The following FILIP1 variants were observed in gnomAD, a reference collection of about 807,000 sequenced individuals.
FILIP1 encodes the protein filamin-A-interacting protein 1.
FILIP1 carries 61 observed loss-of-function variants against 102.1 expected under a neutral mutation model. The observed-to-expected ratio is 0.60, with a 90% CI of 0.49 to 0.74. The LOEUF is 0.74. Ranked by LOEUF, FILIP1 falls within the 30% of genes least tolerant of loss-of-function variation. The pLI is 0.00. For missense variants in FILIP1, 1,314 were observed against 1,441.2 expected, an observed-to-expected ratio of 0.91 and a Z score of 1.43; for synonymous variants, 491 against 526.9, an observed-to-expected ratio of 0.93 and a Z score of 0.93.
chr6:75,432,262 T>TA (rs1321628596), intron 1 of FILIP1, among the ~76,000 whole-genome samples: 1 of 152,246 alleles, frequency 6.6e-6, no homozygotes, highest in Non-Finnish European at 1.5e-5. Flanking sequence ...AGACTTGATG[T>TA]AAATGTTACC....
In FILIP1 at chr6:75,361,414, A is replaced by G. The variant is rs577627659; in HGVS notation, c.450+1330T>C. Among the ~76,000 whole-genome samples the G allele has an allele frequency of 1.8e-4, 28 of 152,240 alleles. No individual in the cohort carries two copies. In the South Asian group the frequency reaches 5.8e-3, roughly 32 times the overall value. On this transcript the variant is annotated intron_variant, in intron 3 of 5. Transcript: ENST00000237172. The stretch of plus-strand genomic sequence containing the variant: ...CTAGCCTTGGAAGAAAATAATTCAG[A>G]AGCCCAAATGAGACCATTTATCCAA...
chr6:75,362,884 CTG>C lies in FILIP1; in HGVS notation c.308_309del (p.Thr103ArgfsTer6), dbSNP rs1775216477. 6.2e-7 allele frequency: 1 copy of C among 1,613,882 alleles called. No homozygotes were observed. The highest frequency in any genetic ancestry group is 1.3e-5 in the African/African-American group (1 of 74,892). On this transcript the variant is annotated frameshift_variant, in exon 3 of 6. Coordinates refer to ENST00000237172, the MANE Select transcript of FILIP1 (RefSeq NM_015687.5). LOFTEE classifies it high-confidence loss of function. ...TCCAGAACCTCAGGCTTGGTTTTCTCTGTCTTCAGCATGTGGATCACATCTTC... is the reference window on the plus strand; with the variant it reads ...TCCAGAACCTCAGGCTTGGTTTTCTCTCTTCAGCATGTGGATCACATCTTC... ...AREDVIHMLK[T>X]EKTKPEVLEA...
intron 1 of FILIP1, among the ~76,000 whole-genome samples, chr6:75,429,446 T>C (rs906352892): frequency 2.0e-5 from 3 of 152,164 alleles, no homozygotes; most frequent in South Asian, 2.1e-4. Context: ...AGAAGGAATG[T>C]TGTGCATAGC....
At chr6:75,355,769 C>T (rs568427473) in intron 3 of FILIP1, among the ~76,000 whole-genome samples, 101 of 152,324 alleles carry the variant, frequency 6.6e-4, no homozygotes, top group African/African-American at 2.2e-3. Context: ...GTGCTGAGCA[C>T]AGGCCCTGGT....
intron 1 of FILIP1, among the ~76,000 whole-genome samples, chr6:75,482,819 T>A (rs1050077857): frequency 2.6e-4 from 40 of 152,238 alleles, no homozygotes; most frequent in African/African-American, 9.2e-4. Flanking sequence ...CAATGGAAAC[T>A]GGTCATTAAT....
intron 2 of FILIP1, among the ~76,000 whole-genome samples, chr6:75,404,303 C>T (rs528447312): frequency 6.6e-6 from 1 of 152,110 alleles, no homozygotes; most frequent in Non-Finnish European, 1.5e-5. Context: ...AGCTCAAATT[C>T]CAGTTTTTCC....
At chr6:75,468,031 G>A (rs1240165147) in intron 1 of FILIP1, among the ~76,000 whole-genome samples, 1 of 152,180 alleles carries the variant, frequency 6.6e-6, no homozygotes, top group African/African-American at 2.4e-5. Context: ...GAGAAACAAA[G>A]CAGCATCCTG....
At chr6:75,338,921 T>A (rs1774332165) in intron 4 of FILIP1, among the ~76,000 whole-genome samples, 2 of 152,232 alleles carry the variant, frequency 1.3e-5, no homozygotes, top group South Asian at 4.1e-4. Context: ...TGGATTAATT[T>A]ATTTTCTCTG....
At chr6:75,319,098 TTCC>T (rs1308551885) in intron 4 of FILIP1, 2 of 726,162 alleles carry the variant, frequency 2.8e-6, no homozygotes, top group African/African-American at 3.5e-5. Flanking sequence ...CCTCTTCATC[TTCC>T]TCCTCTTCCT....
chr6:75,394,235 C>A (rs1776380955), intron 2 of FILIP1, among the ~76,000 whole-genome samples: 1 of 152,076 alleles, frequency 6.6e-6, no homozygotes, highest in Admixed American at 6.6e-5. Flanking sequence ...TAGACCCTGA[C>A]TCTTATGAAC....
chr6:75,366,864 C>A (rs1562507762), intron 2 of FILIP1, among the ~76,000 whole-genome samples: 2 of 152,096 alleles, frequency 1.3e-5, no homozygotes, highest in East Asian at 1.9e-4. Context: ...TCAGAGCAGT[C>A]TCTCCAAAAG....
downstream of FILIP1, among the ~76,000 whole-genome samples, chr6:75,304,524 A>C (rs991761702): frequency 6.6e-6 from 1 of 152,176 alleles, no homozygotes; most frequent in African/African-American, 2.4e-5. Context: ...CCAGATAACT[A>C]TATTTAAATT....
At chr6:75,460,086 A>G (rs1031968538) in intron 1 of FILIP1, among the ~76,000 whole-genome samples, 1 of 152,136 alleles carries the variant, frequency 6.6e-6, no homozygotes, top group African/African-American at 2.4e-5. Context: ...TTAGCTCTTC[A>G]CCTAAAAGAC....
chr6:75,448,555 G>A (rs1330668405), intron 1 of FILIP1, among the ~76,000 whole-genome samples: 1 of 148,102 alleles, frequency 6.8e-6, no homozygotes, highest in Non-Finnish European at 1.5e-5. Flanking sequence ...AATGAGCAGA[G>A]TAAATACACA....
intron 4 of FILIP1, among the ~76,000 whole-genome samples, chr6:75,345,887 A>G: frequency 6.6e-6 from 1 of 152,180 alleles, no homozygotes. Context: ...CAGCAATGCC[A>G]CTTCACAATG....
At chr6:75,309,776 T>C (rs935788570) in intron 5 of FILIP1, among the ~76,000 whole-genome samples, 1 of 152,146 alleles carries the variant, frequency 6.6e-6, no homozygotes, top group Admixed American at 6.6e-5. Flanking sequence ...AGAGTCACCC[T>C]CTCTACTCAA....
chr6:75,375,836 A>T (rs1238642599), intron 2 of FILIP1, among the ~76,000 whole-genome samples: 1 of 152,232 alleles, frequency 6.6e-6, no homozygotes, highest in Non-Finnish European at 1.5e-5. Context: ...TTCTACACTT[A>T]CACATTTGAC....
chr6:75,401,018 A>T (rs1317752070), intron 2 of FILIP1, among the ~76,000 whole-genome samples: 1 of 104,200 alleles, frequency 9.6e-6, no homozygotes, highest in Admixed American at 9.8e-5. Context: ...GTCCTTTTTA[A>T]AAAAAAAAAT....
At chr6:75,360,518 T>G (rs1775142132) in intron 3 of FILIP1, 2 of 152,210 alleles carry the variant, frequency 1.3e-5, no homozygotes, top group Non-Finnish European at 2.9e-5. Flanking sequence ...TGGCTTAGGC[T>G]AAGCAGAATA....
Sources: allele counts gnomAD v4.1 joint callset (sites outside exome capture counted in the v4.1 genomes callset), GRCh38; gene constraint gnomAD v4.1.1; transcripts MANE v1.5; gene names NCBI Gene and HGNC (gene_info 2026-07-23, HGNC 2026-07-21).